Variants in CYP27C1 observed in about 807,000 individuals in gnomAD.
The protein encoded by CYP27C1 is cytochrome P450 family 27 subfamily C member 1.
A neutral mutation model predicts 40.6 loss-of-function variants in CYP27C1; 29 were observed. The ratio of observed to expected loss-of-function variants is 0.71; its 90% CI spans 0.53 to 0.97. CYP27C1 has a LOEUF of 0.97. Ranked by LOEUF, CYP27C1 falls within the 50% of genes least tolerant of loss-of-function variation. The pLI, the probability that CYP27C1 is intolerant of heterozygous loss-of-function variation, is 0.00. For missense variants in CYP27C1, 390 were observed against 485.8 expected (o/e 0.80, Z 1.85); for synonymous variants, 198 against 186.8 (o/e 1.06, Z -0.49).
intron 2 of CYP27C1, 113 bp downstream of exon 2, chr2:127,205,787 G>C (rs1024351711): frequency 6.1e-6 from 6 of 983,280 alleles, no homozygotes; most frequent in Admixed American, 1.2e-4. Flanking sequence ...CATTCCATGG[G>C]GGGGTTCTGT....
At chr2:127,190,342 CTTT>C (rs1241035422) in intron 8 of CYP27C1, among the ~76,000 whole-genome samples, 8 of 96,642 alleles carry the variant, frequency 8.3e-5, no homozygotes, top group African/African-American at 3.0e-4. Context: ...TTTTTTTTTT[CTTT>C]TTTTTTTTTT....
At position 127,211,361 on chromosome 2, in the gene CYP27C1, G is replaced by GTTTTTTTTTTTTTT. The variant is rs1156982574; in HGVS notation, c.283-5272_283-5271insAAAAAAAAAAAAAA. ...ATCTCTGGGATACAGCTAAAGCAGT[G>GTTTTTTTTTTTTTT]TTTTTTTGTTTTTTTTTTTTTTTTT... On this transcript the variant is annotated intron_variant, in intron 1 of 8. Transcript: ENST00000664447. Among the ~76,000 whole-genome samples, 3 of 103,596 alleles carry GTTTTTTTTTTTTTT rather than the reference G, an allele frequency of 2.9e-5. 1 individual carries two copies. Among genetic ancestry groups the GTTTTTTTTTTTTTT allele is most frequent in the African/African-American group, 1.2e-4 (3 of 25,168 alleles). 68.0% of individuals were successfully genotyped at this position (103,596 alleles called of 152,430 possible).
intron 2 of CYP27C1, among the ~76,000 whole-genome samples, chr2:127,204,449 AAAG>A (rs1160636373): frequency 3.0e-5 from 1 of 33,264 alleles, no homozygotes; most frequent in Non-Finnish European, 5.9e-5. Flanking sequence ...AAAAAGAAAG[AAAG>A]AAAGAAAGAA....
Position 127,201,304 on chromosome 2 carries a change from C to G in CYP27C1, c.701G>C (p.Arg234Pro), listed in dbSNP as rs747388358. Reference protein sequence around the residue: ...EGVATILYESRLGCLENSIPQ... With the variant: ...EGVATILYESPLGCLENSIPQ... ...GATGCTGTTTTCCAGGCAGCCCAAACGACTCTCATAAAGGATGGTGGCCAC... is the reference window on the plus strand; with the variant it reads ...GATGCTGTTTTCCAGGCAGCCCAAAGGACTCTCATAAAGGATGGTGGCCAC... The change falls in exon 4 of 9, where the codon CGT becomes CCT. Residue 234 changes from arginine (R) to proline (P), a missense_variant. Transcript: ENST00000664447. This position sits in a 1 kb window ranked among gnomAD's most constrained non-coding sequence, Gnocchi z 6.0. The G allele has an allele frequency of 6.2e-7, 1 of 1,613,900 alleles. No homozygotes were observed. Among genetic ancestry groups the G allele is most frequent in the Non-Finnish European group, 8.5e-7 (1 of 1,180,024 alleles).
chr2:127,202,069 T>C (rs911086744), intron 3 of CYP27C1, among the ~76,000 whole-genome samples: 1 of 149,654 alleles, frequency 6.7e-6, no homozygotes, highest in Non-Finnish European at 1.5e-5. Context: ...TAGAAAGTCC[T>C]CCAAGATGCA....
Position 127,208,396 on chromosome 2 carries a change from T to G in CYP27C1, c.283-2306A>C, listed in dbSNP as rs1683273573. Among the ~76,000 whole-genome samples the G allele has an allele frequency of 6.6e-6, 1 of 152,156 alleles. No individual in the cohort carries two copies. ...ACCTACAGGTCAGAAGATCCCACTC[T>G]CGAACCCATGCCACCAGAGCCAAGC... On this transcript the variant is annotated intron_variant, in intron 1 of 8. Transcript: ENST00000664447. The surrounding 1 kb of genome is among the most constrained non-coding windows in gnomAD (Gnocchi z 5.2).
chr2:127,202,457 C>T (rs537077076), intron 3 of CYP27C1, among the ~76,000 whole-genome samples: 5 of 152,072 alleles, frequency 3.3e-5, no homozygotes, highest in South Asian at 2.1e-4. Context: ...AGAGAAAGCA[C>T]GGTGCAGAAC....
rs528369445 is a variant in CYP27C1, at chr2:127,202,156, C to G, written c.674-825G>C. On this transcript the variant is annotated intron_variant, in intron 3 of 8. Transcript: ENST00000664447. ...TTTTTTTTTTTGAGATGGAGTTTCA[C>G]TCTTGTCACCCATGCTGGAGTACAA... Among the ~76,000 whole-genome samples, 636 of 148,048 alleles carry G rather than the reference C, an allele frequency of 4.3e-3. 3 individuals are homozygous for G. Among genetic ancestry groups the G allele is most frequent in the African/African-American group, 0.015 (613 of 40,190 alleles).
chr2:127,192,951 C>T (rs1682815206), intron 8 of CYP27C1, 143 bp downstream of exon 8: 1 of 1,065,888 alleles, frequency 9.4e-7, no homozygotes, highest in South Asian at 1.6e-5. Context: ...GCTGGGACCA[C>T]AGGTGTGAGC....
Position 127,193,106 on chromosome 2 carries a change from G to A in CYP27C1, c.1485C>T (p.Leu495=), listed in dbSNP as rs145756535. The change falls in exon 8 of 9, where the codon CTC becomes CTT. Residue 495 remains leucine, a synonymous_variant. Transcript: ENST00000664447. ...CTCCACGCCCTACCTGGATCACGACGAGGTGAATCTCCAGTTCTGCAATTC... is the reference window on the plus strand; with the variant it reads ...CTCCACGCCCTACCTGGATCACGACAAGGTGAATCTCCAGTTCTGCAATTC... ...GRRIAELEIH[L]VVIQLLQHFE... The A allele has an allele frequency of 7.4e-5, 120 of 1,614,128 alleles. 1 individual carries two copies. The African/African-American group carries it at 1.4e-3, about 19-fold the overall frequency.
At chr2:127,205,744 T>A in intron 2 of CYP27C1, 156 bp downstream of exon 2, 3 of 985,468 alleles carry the variant, frequency 3.0e-6, no homozygotes, top group Non-Finnish European at 3.6e-6. Context: ...GGCTCTCATG[T>A]CTGGGAGATC....
chr2:127,211,063 A>C (rs1683325643), intron 1 of CYP27C1, among the ~76,000 whole-genome samples: 1 of 152,214 alleles, frequency 6.6e-6, no homozygotes, highest in Non-Finnish European at 1.5e-5. Context: ...CAGAATATAC[A>C]TTCTTCTCAG....
chr2:127,189,324 C>T (rs1682710128), intron 8 of CYP27C1, among the ~76,000 whole-genome samples: 1 of 152,036 alleles, frequency 6.6e-6, no homozygotes, highest in Admixed American at 6.5e-5. Flanking sequence ...TCCCAGTAGC[C>T]TTCAGGCATG....
At chr2:127,211,170 A>C (rs1157648108) in intron 1 of CYP27C1, among the ~76,000 whole-genome samples, 6 of 152,196 alleles carry the variant, frequency 3.9e-5, no homozygotes, top group African/African-American at 1.2e-4. Context: ...CTCTGACCAC[A>C]GTGCAATGAA....
At position 127,199,430 on chromosome 2, in the gene CYP27C1, C is replaced by G. The variant is rs547358849; in HGVS notation, c.993G>C (p.Thr331=). Residue 331 remains threonine (T), a synonymous_variant, in exon 5 of 9, where the codon ACG becomes ACC. Coordinates refer to ENST00000664447, the MANE Select transcript of CYP27C1 (RefSeq NM_001367502.1). ...TCACGTTGGCGTAGATCTCCTGCAG[C>G]GTCAGAGCCTGGCTAAGGAAGAGGT... ...LTYLFLSQAL[T]LQEIYANVTE... The G allele has an allele frequency of 1.9e-6, 3 of 1,614,226 alleles. No homozygotes were observed. The highest frequency in any genetic ancestry group is 1.7e-6 in the Non-Finnish European group (2 of 1,180,036).
chr2:127,199,180 T>G (rs1357021302), intron 5 of CYP27C1, among the ~76,000 whole-genome samples, 196 bp downstream of exon 5: 1 of 152,060 alleles, frequency 6.6e-6, no homozygotes, highest in Non-Finnish European at 1.5e-5. Flanking sequence ...CCAGCTACTC[T>G]GGAGGCTGAG....
In CYP27C1 at chr2:127,209,533, T is replaced by C. The variant is rs1461452971; in HGVS notation, c.283-3443A>G. ...GATCAGATGGACGAATTGACAGAAG[T>C]ACACTTCAGAAGATGGGTAATAAAA... On this transcript the variant is annotated intron_variant, in intron 1 of 8. Transcript: ENST00000664447. The surrounding 1 kb of genome is among the most constrained non-coding windows in gnomAD (Gnocchi z 4.1). Among the ~76,000 whole-genome samples the C allele has an allele frequency of 1.3e-5, 2 of 152,158 alleles. No individual in the cohort carries two copies. Among genetic ancestry groups the C allele is most frequent in the African/African-American group, 4.8e-5 (2 of 41,448 alleles).
chr2:127,203,706 A>G (rs1683093463), intron 2 of CYP27C1, 135 bp from the exon 3 acceptor site: 3 of 871,378 alleles, frequency 3.4e-6, no homozygotes, highest in Admixed American at 3.0e-5. Context: ...TTAAGACAGG[A>G]AAGACTTTTT....
Position 127,201,201 on chromosome 2 carries a change from G to T in CYP27C1, c.804C>A (p.Ala268=). The T allele has an allele frequency of 6.2e-7, 1 of 1,614,210 alleles. No individual in the cohort carries two copies. The highest frequency in any genetic ancestry group is 8.5e-7 in the Non-Finnish European group (1 of 1,180,046). Residue 268 remains alanine, a synonymous_variant, in exon 4 of 9, where the codon GCC becomes GCA. Coordinates refer to ENST00000664447, the MANE Select transcript of CYP27C1 (RefSeq NM_001367502.1). This position sits in a 1 kb window ranked among gnomAD's most constrained non-coding sequence, Gnocchi z 6.0. ...TGAAGGGGCGAAGCCATCTGGGGATGGCGCCTGCATACATGGAGGTCTTGA... is the reference window on the plus strand; with the variant it reads ...TGAAGGGGCGAAGCCATCTGGGGATTGCGCCTGCATACATGGAGGTCTTGA... ...SMFKTSMYAG[A]IPRWLRPFIP... is the part of the protein sequence containing the mutation.
Sources: gnomAD v4.1 joint callset for allele counts (sites outside exome capture counted in the v4.1 genomes callset) on GRCh38, gnomAD v4.1.1 for gene constraint, Gnocchi (gnomAD v3.1) non-coding constraint, MANE v1.5 for transcripts, NCBI Gene and HGNC (gene_info 2026-07-23, HGNC 2026-07-21) for gene names.